The following TRIM9 variants were observed in gnomAD, a reference collection of about 807,000 sequenced individuals.
TRIM9 encodes E3 ubiquitin-protein ligase TRIM9.
A neutral mutation model predicts 78.3 loss-of-function variants in TRIM9; 26 were observed. The ratio of observed to expected loss-of-function variants is 0.33; its 90% CI spans 0.24 to 0.46. The LOEUF (loss-of-function observed/expected upper bound fraction) is 0.46, where lower values mean the gene tolerates loss of function less well. Ranked by LOEUF, TRIM9 falls within the 20% of genes least tolerant of loss-of-function variation. The pLI is 1.00. For synonymous variants in TRIM9, 398 were observed against 416.5 expected, an observed-to-expected ratio of 0.96 and a Z score of 0.54; for missense variants, 787 against 1,036.4, an observed-to-expected ratio of 0.76 and a Z score of 3.30.
intron 1 of TRIM9, among the ~76,000 whole-genome samples, chr14:51,038,888 T>C (rs892979169): frequency 2.6e-5 from 4 of 152,232 alleles, no homozygotes; most frequent in South Asian, 2.1e-4. Flanking sequence ...CCTAAAGTGA[T>C]GTATGTTTTG....
chr14:51,017,526 A>G (rs1822825855), intron 3 of TRIM9, among the ~76,000 whole-genome samples: 2 of 152,256 alleles, frequency 1.3e-5, no homozygotes, highest in South Asian at 4.1e-4. Context: ...AGAGAAGTTA[A>G]TAAAAGAAGA....
chr14:51,009,209 C>T lies in TRIM9; in HGVS notation c.1177G>A (p.Val393Met). ...CCCCACTGATCCTCAGTCAGGTGCA[C>T]TCTTCTTATGAGGGCGTCAGAAATC... is the stretch of plus-strand genomic sequence containing the variant. ...LQISDALIRR[V>M]HLTEDQWGKG... The change falls in exon 5 of 13, where the codon GTG (valine) becomes ATG (methionine). Residue 393 changes from valine (V) to methionine (M), a missense_variant. Around this residue, in one of 3 missense-constraint regions of TRIM9, gnomAD observed 421 missense variants for 514.3 expected, o/e 0.82. Coordinates refer to ENST00000684578, the MANE Select transcript of TRIM9 (RefSeq NM_001387360.1). 1 of 1,614,070 alleles carries T rather than the reference C, an allele frequency of 6.2e-7. No individual in the cohort carries two copies. The highest frequency in any genetic ancestry group is 8.5e-7 in the Non-Finnish European group (1 of 1,179,948).
At chr14:51,004,086 G>A (rs11846226) in intron 5 of TRIM9, among the ~76,000 whole-genome samples, 10,484 of 152,248 alleles carry the variant, frequency 0.069, 548 homozygotes, top group East Asian at 0.15. Flanking sequence ...AGAGCATTGT[G>A]TTTTACTGGA....
chr14:51,010,321 A>T, intron 4 of TRIM9, 63 bp downstream of exon 4: 3 of 1,374,140 alleles, frequency 2.2e-6, no homozygotes, highest in Non-Finnish European at 3.1e-6. Context: ...GTCTGACTTA[A>T]GCATCCTAGA....
In TRIM9 at chr14:50,979,373, G is replaced by C; in HGVS notation, c.2325+14C>G. 6.2e-7 allele frequency: 1 copy of C among 1,614,178 alleles called. No homozygotes were observed. Among genetic ancestry groups the C allele is most frequent in the Non-Finnish European group, 8.5e-7 (1 of 1,180,034 alleles). The stretch of plus-strand genomic sequence containing the variant: ...CCAGCAACAGCTGTTTAACCTCAGG[G>C]GCAGGGTGCTTACCTGCACGTTCCT... On this transcript the variant is annotated intron_variant, in intron 12 of 12. Transcript: ENST00000684578.
At position 51,081,464 on chromosome 14, in the gene TRIM9, T is replaced by C. The variant is rs2063301507; in HGVS notation, c.822+12654A>G. Among the ~76,000 whole-genome samples the C allele has an allele frequency of 7.9e-5, 12 of 152,260 alleles. No individual in the cohort carries two copies. The South Asian group carries it at 2.3e-3, about 29-fold the overall frequency. ...GTTCCTCAAAATTTTAAACATGGAGTTAGCATGTGACTCAACAATTCCACT... is the reference window on the plus strand; with the variant it reads ...GTTCCTCAAAATTTTAAACATGGAGCTAGCATGTGACTCAACAATTCCACT... On this transcript the variant is annotated intron_variant, in intron 1 of 12. Coordinates refer to ENST00000684578, the MANE Select transcript of TRIM9 (RefSeq NM_001387360.1).
At chr14:51,065,519 C>T (rs566376832) in intron 1 of TRIM9, among the ~76,000 whole-genome samples, 1 of 152,212 alleles carries the variant, frequency 6.6e-6, no homozygotes, top group East Asian at 1.9e-4. Context: ...TGAAAAGGGA[C>T]AGGGAAAAAT....
intron 12 of TRIM9, chr14:50,978,766 GT>G (rs201835548): frequency 5.6e-3 from 1,805 of 324,428 alleles, no homozygotes; most frequent in Non-Finnish European, 6.9e-3. Context: ...CTGTTTTTTT[GT>G]TTTTTTTTTT....
Position 50,977,214 on chromosome 14 carries a change from A to G in TRIM9, c.*77T>C. ...ACTCCTGCCAACTCTGCACCCCACC[A>G]CGGCTGGCTGAGCTCCTTGCTGTGG... is the stretch of plus-strand genomic sequence containing the variant. On this transcript the variant is annotated 3_prime_UTR_variant, in exon 13 of 13. Coordinates refer to ENST00000684578, the MANE Select transcript of TRIM9 (RefSeq NM_001387360.1). 2 of 1,282,116 alleles carry G rather than the reference A, an allele frequency of 1.6e-6. No individual in the cohort carries two copies. Among genetic ancestry groups the G allele is most frequent in the Non-Finnish European group, 1.0e-6 (1 of 970,560 alleles). 79.4% of individuals were successfully genotyped at this position (1,282,116 alleles called of 1,614,324 possible).
chr14:51,089,754 A>C (rs1281567719), intron 1 of TRIM9, among the ~76,000 whole-genome samples: 1 of 152,218 alleles, frequency 6.6e-6, no homozygotes, highest in African/African-American at 2.4e-5. Context: ...CTTTTAGGCC[A>C]CCTTTCAGAG....
Position 50,977,348 on chromosome 14 carries a change from C to A in TRIM9, c.2331G>T (p.Thr777=), listed in dbSNP as rs754876198. 11 of 1,543,912 alleles carry A rather than the reference C, an allele frequency of 7.1e-6. No homozygotes were observed. Among genetic ancestry groups the A allele is most frequent in the African/African-American group, 1.4e-5 (1 of 71,876 alleles). ...AVSLNRNVQV[T]LHTGLPVPDF... ...CGGGGACTGGGAGCCCGGTGTGCAG[C>A]GTGACCTGGGGAATGAGACTGTGAG... Residue 777 remains threonine (T), a synonymous_variant, in exon 13 of 13, where the codon ACG becomes ACT. Coordinates refer to ENST00000684578, the MANE Select transcript of TRIM9 (RefSeq NM_001387360.1).
chr14:51,037,930 G>A (rs979756663), intron 1 of TRIM9, among the ~76,000 whole-genome samples: 3 of 152,176 alleles, frequency 2.0e-5, no homozygotes, highest in Non-Finnish European at 2.9e-5. Flanking sequence ...CTGTGGCTCA[G>A]CAGCAGCAAC....
intron 1 of TRIM9, among the ~76,000 whole-genome samples, chr14:51,066,926 C>T (rs183089419): frequency 1.3e-5 from 2 of 152,300 alleles, no homozygotes; most frequent in East Asian, 3.9e-4. Flanking sequence ...AGTTTACATA[C>T]TAAATTAGTC....
chr14:51,046,526 A>C (rs2059966302), intron 1 of TRIM9, among the ~76,000 whole-genome samples: 1 of 152,232 alleles, frequency 6.6e-6, no homozygotes, highest in Non-Finnish European at 1.5e-5. Context: ...CAGTCATCTG[A>C]ATTCGAAAAG....
intron 1 of TRIM9, among the ~76,000 whole-genome samples, chr14:51,062,066 C>T (rs368830641): frequency 5.9e-5 from 9 of 151,872 alleles, no homozygotes; most frequent in African/African-American, 7.3e-5. Context: ...TTCTTTCTGC[C>T]GCTATATCCA....
intron 1 of TRIM9, among the ~76,000 whole-genome samples, chr14:51,052,816 G>A (rs1026602172): frequency 6.6e-6 from 1 of 152,068 alleles, no homozygotes; most frequent in Non-Finnish European, 1.5e-5. Flanking sequence ...TCACTTTACT[G>A]GTGCACTATA....
Position 51,002,324 on chromosome 14 carries a change from C to T in TRIM9, c.1307-1484G>A, listed in dbSNP as rs148709089. 5.9e-3 allele frequency among the ~76,000 whole-genome samples: 891 copies of T among 151,080 alleles called. 7 individuals carry two copies. Among genetic ancestry groups the T allele is most frequent in the African/African-American group, 0.02 (835 of 41,176 alleles). On this transcript the variant is annotated intron_variant, in intron 5 of 12. Transcript: ENST00000684578. ...TTCTTTTTGGTATTTTTAGTAGAGA[C>T]GGGGTTTCACCGTGTTAGCCAAGAT...
chr14:51,080,868 T>C (rs1419305224), intron 1 of TRIM9, among the ~76,000 whole-genome samples: 1 of 152,334 alleles, frequency 6.6e-6, no homozygotes, highest in Non-Finnish European at 1.5e-5. Context: ...GATAAAGAAA[T>C]GATTTCCTCC....
intron 1 of TRIM9, among the ~76,000 whole-genome samples, chr14:51,077,386 GTTTTT>G (rs146912763): frequency 2.0e-4 from 20 of 97,704 alleles, no homozygotes; most frequent in South Asian, 4.6e-4. Flanking sequence ...CTCCAATTCT[GTTTTT>G]TTTTTTTTTT....
Sources: gnomAD v4.1 joint callset for allele counts (sites outside exome capture counted in the v4.1 genomes callset) on GRCh38, gnomAD v4.1.1 for gene constraint, gnomAD v4.1.1 regional missense constraint, MANE v1.5 for transcripts, NCBI Gene and HGNC (gene_info 2026-07-23, HGNC 2026-07-21) for gene names.